The following TMEM181 variants were observed in gnomAD, a reference collection of about 807,000 sequenced individuals.
TMEM181 encodes the protein G protein-coupled receptor 178.
Under a neutral mutation model 71.9 loss-of-function variants are expected in TMEM181, and 39 were observed. The ratio of observed to expected loss-of-function variants is 0.54; its 90% CI spans 0.42 to 0.71. TMEM181 has a LOEUF of 0.71. TMEM181 is among the 30% of genes least tolerant of loss of function. The probability of loss-of-function intolerance (pLI) is 0.00; values close to 1 mark genes in which losing one functional copy is unlikely to be tolerated. For missense variants in TMEM181, 595 were observed against 583.0 expected (o/e 1.02, Z -0.21); for synonymous variants, 245 against 228.8 (o/e 1.07, Z -0.64).
In TMEM181 at chr6:158,634,296, A is replaced by T. The variant is rs887088837; in HGVS notation, c.*2408A>T. ...TTGCTTAAACTCTCTAGCACTTGGC[A>T]TGTAGAATATGTACCATAGGTATCA... On this transcript the variant is annotated 3_prime_UTR_variant, in exon 17 of 17. Coordinates refer to ENST00000684151, the MANE Select transcript of TMEM181 (RefSeq NM_001376852.1). 4.6e-5 allele frequency: 7 copies of T among 152,260 alleles called. No individual in the cohort carries two copies. The highest frequency in any genetic ancestry group is 4.6e-4 in the Admixed American group (7 of 15,290). The allele number at this position is 152,260 out of a possible 1,614,324, so 9.4% of individuals were successfully genotyped here.
chr6:158,569,572 C>T (rs930750585), intron 1 of TMEM181, among the ~76,000 whole-genome samples: 3 of 149,338 alleles, frequency 2.0e-5, no homozygotes, highest in East Asian at 2.0e-4. Context: ...GTGCCTGGGG[C>T]GGGTTGTGCC....
intron 1 of TMEM181, among the ~76,000 whole-genome samples, chr6:158,567,885 G>T (rs1420419897): frequency 1.3e-5 from 2 of 152,104 alleles, no homozygotes; most frequent in African/African-American, 2.4e-5. Context: ...GGCTGGAGAG[G>T]GATTGTGGGG....
At chr6:158,570,759 G>A (rs1205448708) in intron 1 of TMEM181, among the ~76,000 whole-genome samples, 1 of 152,058 alleles carries the variant, frequency 6.6e-6, no homozygotes, top group Non-Finnish European at 1.5e-5. Context: ...AAATGAAGAC[G>A]TTGACCTTGG....
At chr6:158,615,584 C>T (rs1433909229) in intron 10 of TMEM181, among the ~76,000 whole-genome samples, 2 of 152,126 alleles carry the variant, frequency 1.3e-5, no homozygotes, top group Non-Finnish European at 2.9e-5. Context: ...AATGGCATTG[C>T]CTAGGTTTTC....
chr6:158,611,511 G>A, intron 10 of TMEM181: 1 of 504,896 alleles, frequency 2.0e-6, no homozygotes, highest in Non-Finnish European at 4.0e-6. Context: ...TGCAAATTAA[G>A]AGTTCATGGA....
intron 1 of TMEM181, among the ~76,000 whole-genome samples, chr6:158,569,622 A>T: frequency 6.9e-6 from 1 of 144,772 alleles, no homozygotes. Flanking sequence ...TTAAATTGAG[A>T]CAGGGTCTTG....
intron 5 of TMEM181, among the ~76,000 whole-genome samples, chr6:158,586,690 G>A (rs956873280): frequency 1.4e-5 from 2 of 144,278 alleles, no homozygotes; most frequent in African/African-American, 2.5e-5. Context: ...GCTCATGCCT[G>A]TAATCCCAGC....
At chr6:158,586,465 G>T (rs1242508453) in intron 5 of TMEM181, among the ~76,000 whole-genome samples, 1 of 152,152 alleles carries the variant, frequency 6.6e-6, no homozygotes, top group Non-Finnish European at 1.5e-5. Context: ...TACTGTTAGA[G>T]CCTATTTTGT....
chr6:158,592,399 C>T (rs756529627), intron 6 of TMEM181, among the ~76,000 whole-genome samples: 2 of 152,044 alleles, frequency 1.3e-5, no homozygotes, highest in Non-Finnish European at 2.9e-5. Flanking sequence ...AATCCCAGCA[C>T]TTTGGAAAGT....
At chr6:158,545,319 G>A (rs550473036) in intron 1 of TMEM181, among the ~76,000 whole-genome samples, 3 of 152,382 alleles carry the variant, frequency 2.0e-5, no homozygotes, top group Admixed American at 1.3e-4. Context: ...GACCCACAAC[G>A]GCACAGAATC....
chr6:158,607,337 T>C lies in TMEM181; in HGVS notation c.667T>C (p.Tyr223His). 3 of 1,613,936 alleles carry C rather than the reference T, an allele frequency of 1.9e-6. No individual in the cohort carries two copies. The highest frequency in any genetic ancestry group is 4.5e-5 in the East Asian group (2 of 44,884). The change falls in exon 8 of 17, where the codon TAC becomes CAC. Residue 223 changes from tyrosine to histidine, a missense_variant. By Grantham distance (83) the Tyr-to-His change is moderately conservative (BLOSUM62 2). Coordinates refer to ENST00000684151, the MANE Select transcript of TMEM181 (RefSeq NM_001376852.1). ...TGTTCTCCTGCCTCTGCTGCTACTTTACAATGGTGGGTAGTTCCATTTTTA... is the reference window on the plus strand; with the variant it reads ...TGTTCTCCTGCCTCTGCTGCTACTTCACAATGGTGGGTAGTTCCATTTTTA... ...MSVLLPLLLL[Y>H]NDPFFPLSFL...
At chr6:158,569,581 C>A (rs1782692015) in intron 1 of TMEM181, among the ~76,000 whole-genome samples, 1 of 151,514 alleles carries the variant, frequency 6.6e-6, no homozygotes, top group Non-Finnish European at 1.5e-5. Context: ...GCGGGTTGTG[C>A]CCTCATGCCC....
Position 158,583,890 on chromosome 6 carries a change from C to T in TMEM181, c.169-64C>T. ...TAAAAGTAAACTTTGTGTGTTAAAA[C>T]GATGAGGTATTTGGTAGACTCAATG... On this transcript the variant is annotated intron_variant, in intron 3 of 16. Transcript: ENST00000684151. The T allele has an allele frequency of 6.6e-6, 8 of 1,217,074 alleles. No individual in the cohort carries two copies. The East Asian group carries it at 7.3e-5, about 11-fold the overall frequency. 75.4% of individuals were successfully genotyped at this position (1,217,074 alleles called of 1,614,324 possible). A position where few individuals can be genotyped will look rare whatever the true frequency, so the allele number is the denominator to read the frequency against.
At chr6:158,628,187 C>T (rs1786441010) in intron 13 of TMEM181, 3 of 686,640 alleles carry the variant, frequency 4.4e-6, no homozygotes, top group African/African-American at 3.5e-5. Flanking sequence ...GCCGGTGGGT[C>T]TAGCCCACCT....
intron 7 of TMEM181, among the ~76,000 whole-genome samples, chr6:158,605,793 C>T (rs902539737): frequency 1.3e-5 from 2 of 152,058 alleles, no homozygotes; most frequent in African/African-American, 4.8e-5. Flanking sequence ...GCATTGGGCT[C>T]GTTTGGGATC....
upstream of TMEM181, among the ~76,000 whole-genome samples, chr6:158,556,223 G>A (rs936653923): frequency 6.6e-6 from 1 of 152,200 alleles, no homozygotes; most frequent in South Asian, 2.1e-4. Context: ...AAGAGGGAGC[G>A]TGGGCCTGAG....
At chr6:158,565,313 C>T (rs958858603) in intron 1 of TMEM181, among the ~76,000 whole-genome samples, 1 of 152,190 alleles carries the variant, frequency 6.6e-6, no homozygotes, top group African/African-American at 2.4e-5. Flanking sequence ...GAGGGGTAGG[C>T]ACTTAGTGGG....
intron 6 of TMEM181, among the ~76,000 whole-genome samples, chr6:158,591,280 T>G (rs1784095789): frequency 2.0e-5 from 3 of 152,218 alleles, no homozygotes; most frequent in East Asian, 3.9e-4. Flanking sequence ...GGCTCCATGT[T>G]TCCTTCCTGA....
intron 6 of TMEM181, among the ~76,000 whole-genome samples, chr6:158,590,684 G>A (rs1207633271): frequency 3.9e-5 from 6 of 152,286 alleles, no homozygotes; most frequent in Middle Eastern, 6.8e-3. Flanking sequence ...GGATGGTCTT[G>A]ATCTCCTGAC....
Sources: gnomAD v4.1 joint callset for allele counts (sites outside exome capture counted in the v4.1 genomes callset) on GRCh38, gnomAD v4.1.1 for gene constraint, MANE v1.5 for transcripts, NCBI Gene and HGNC (gene_info 2026-07-23, HGNC 2026-07-21) for gene names.